The following HDAC9 variants were observed in gnomAD, a reference collection of about 807,000 sequenced individuals.
HDAC9 encodes histone deacetylase 9, also known as MEF-2 interacting transcription repressor (MITR) protein.
A neutral mutation model predicts 139.4 loss-of-function variants in HDAC9; 41 were observed. The ratio of observed to expected loss-of-function variants is 0.29; its 90% CI spans 0.23 to 0.38. The LOEUF (loss-of-function observed/expected upper bound fraction) is 0.38, where lower values mean the gene tolerates loss of function less well. Ranked by LOEUF, HDAC9 falls within the 10% of genes least tolerant of loss-of-function variation. The probability of loss-of-function intolerance (pLI) is 1.00; values close to 1 mark genes in which losing one functional copy is unlikely to be tolerated. For synonymous variants in HDAC9, 517 were observed against 476.2 expected (o/e 1.09, Z -1.12); for missense variants, 1,147 against 1,297.0 (o/e 0.88, Z 1.78).
chr7:18,768,902 C>A (rs1441391891), intron 16 of HDAC9, among the ~76,000 whole-genome samples: 1 of 152,128 alleles, frequency 6.6e-6, no homozygotes, highest in African/African-American at 2.4e-5. Flanking sequence ...ATTCAATAAA[C>A]TACATGAGAT....
rs1038999102 is a variant in HDAC9 at position 18,476,559 on chromosome 7, C to T, written c.-41-19703C>T. ...GCCTCAGATGTGACCCCAAACCCAA[C>T]ATGACGTAAGTTTCTGGACTTTCTC... is the stretch of plus-strand genomic sequence containing the variant. On this transcript the variant is annotated intron_variant, in intron 1 of 3. Transcript: ENST00000413509. Among the ~76,000 whole-genome samples, 6 of 151,896 alleles carry T rather than the reference C, an allele frequency of 4.0e-5. No homozygotes were observed. The East Asian group carries it at 1.2e-3, about 29-fold the overall frequency.
rs1293386198 is a variant in HDAC9, at chr7:18,913,542, C to T, written c.2804-22267C>T. 2.0e-5 allele frequency among the ~76,000 whole-genome samples: 3 copies of T among 152,092 alleles called. No individual in the cohort carries two copies. In the East Asian group the frequency reaches 5.8e-4, roughly 29 times the overall value. ...ATATGCGTAATTTTCTTTCTGTTTC[C>T]TTTGGACTCCATGTGCCTGACCCTG... On this transcript the variant is annotated intron_variant, in intron 22 of 25. Transcript: ENST00000686413.
chr7:18,772,391 A>C (rs149887445), intron 16 of HDAC9, among the ~76,000 whole-genome samples: 6 of 152,138 alleles, frequency 3.9e-5, no homozygotes, highest in Non-Finnish European at 8.8e-5. Flanking sequence ...TGAGGTTTTG[A>C]TATTGACTCA....
intron 2 of HDAC9, among the ~76,000 whole-genome samples, chr7:18,556,986 A>G (rs1458520013): frequency 6.6e-6 from 1 of 152,024 alleles, no homozygotes; most frequent in African/African-American, 2.4e-5. Flanking sequence ...TAATATTGCT[A>G]TTTATTGAGA....
At chr7:18,483,682 AG>A (rs979635692) in intron 1 of HDAC9, among the ~76,000 whole-genome samples, 2 of 152,216 alleles carry the variant, frequency 1.3e-5, no homozygotes, top group African/African-American at 4.8e-5. Flanking sequence ...CTGGAAATAA[AG>A]TCATTTAAAA....
chr7:18,793,345 G>A lies in HDAC9; in HGVS notation c.2215G>A (p.Val739Met). 6.4e-7 allele frequency: 1 copy of A among 1,566,404 alleles called. No individual in the cohort carries two copies. Among genetic ancestry groups the A allele is most frequent in the Non-Finnish European group, 8.7e-7 (1 of 1,154,146 alleles). ...CGGACTCTGCTGACTGTTTGCTCAG[G>A]TGGACAGTGACACCATTTGGAATGA... Reference protein sequence around the residue: ...FSSLPCGGLGVDSDTIWNELH... With the variant: ...FSSLPCGGLGMDSDTIWNELH... The change falls in exon 17 of 26, where the codon GTG becomes ATG. Residue 739 changes from valine (V) to methionine (M), a missense_variant and splice_region_variant. This residue lies in a region of HDAC9 where 407 missense variants were observed against 521.5 expected (regional missense o/e 0.78). Coordinates refer to ENST00000686413, the MANE Select transcript of HDAC9 (RefSeq NM_178425.4).
chr7:18,690,767 A>T (rs1224017761), intron 12 of HDAC9, among the ~76,000 whole-genome samples: 1 of 152,020 alleles, frequency 6.6e-6, no homozygotes, highest in Non-Finnish European at 1.5e-5. Flanking sequence ...AATTTTGCAA[A>T]CAAGACGTAC....
At chr7:18,774,693 G>T (rs1429533859) in intron 16 of HDAC9, among the ~76,000 whole-genome samples, 1 of 152,048 alleles carries the variant, frequency 6.6e-6, no homozygotes, top group Non-Finnish European at 1.5e-5. Flanking sequence ...TTGGCTCAAG[G>T]GAATGTGGTT....
At chr7:18,922,280 C>A (rs1052040933) in intron 22 of HDAC9, among the ~76,000 whole-genome samples, 1 of 151,936 alleles carries the variant, frequency 6.6e-6, no homozygotes. Context: ...TAACAAGACA[C>A]TGTGCTAAAT....
At chr7:18,145,427 T>C (rs571163515) in intron 1 of HDAC9, among the ~76,000 whole-genome samples, 2 of 152,322 alleles carry the variant, frequency 1.3e-5, no homozygotes, top group Admixed American at 1.3e-4. Flanking sequence ...TACCAGTATA[T>C]TATCCAGACA....
chr7:18,119,432 G>A (rs1045536325), intron 1 of HDAC9, among the ~76,000 whole-genome samples: 5 of 152,212 alleles, frequency 3.3e-5, no homozygotes, highest in Non-Finnish European at 7.3e-5. Flanking sequence ...CATAGAAAAT[G>A]TTTGTTATGG....
intron 22 of HDAC9, among the ~76,000 whole-genome samples, chr7:18,881,658 T>A (rs1408932151): frequency 6.6e-6 from 1 of 152,148 alleles, no homozygotes. Context: ...CATATTTACT[T>A]AAATGCTTCA....
At chr7:18,247,361 G>T (rs944892928) in intron 2 of HDAC9, among the ~76,000 whole-genome samples, 1 of 151,974 alleles carries the variant, frequency 6.6e-6, no homozygotes, top group Non-Finnish European at 1.5e-5. Flanking sequence ...ATAAAAGAAA[G>T]AATTGAAGTA....
chr7:18,603,635 A>G (rs576096274), intron 6 of HDAC9, among the ~76,000 whole-genome samples: 89 of 152,172 alleles, frequency 5.8e-4, no homozygotes, highest in Admixed American at 1.4e-3. Context: ...CTGTTTTCCA[A>G]AAGCTACAAT....
intron 12 of HDAC9, among the ~76,000 whole-genome samples, chr7:18,703,306 A>T (rs1178105): frequency 0.15 from 23,064 of 152,150 alleles, 2,111 homozygotes; most frequent in East Asian, 0.27. Flanking sequence ...AGTTGTAATT[A>T]TATCCCTGAC....
intron 1 of HDAC9, among the ~76,000 whole-genome samples, chr7:18,358,803 T>C (rs568981842): frequency 6.6e-6 from 1 of 152,360 alleles, no homozygotes; most frequent in Non-Finnish European, 1.5e-5. Context: ...TTTAGACACC[T>C]GTCCCCTCAC....
chr7:18,276,000 G>A (rs76370838), intron 2 of HDAC9, among the ~76,000 whole-genome samples: 71 of 152,036 alleles, frequency 4.7e-4, no homozygotes, highest in African/African-American at 1.4e-3. Flanking sequence ...GTAGACTCTC[G>A]GTAAACATAT....
intron 1 of HDAC9, among the ~76,000 whole-genome samples, chr7:18,318,686 C>T (rs1172641636): frequency 2.0e-5 from 3 of 152,176 alleles, no homozygotes; most frequent in African/African-American, 7.2e-5. Context: ...GAGACGAAGG[C>T]AGTAAACTAT....
chr7:18,200,456 G>C (rs1455647168), intron 2 of HDAC9, among the ~76,000 whole-genome samples: 1 of 152,096 alleles, frequency 6.6e-6, no homozygotes, highest in African/African-American at 2.4e-5. Context: ...TTGACTTGTG[G>C]GTTCTGTGTC....
Sources: gnomAD v4.1 joint callset for allele counts (sites outside exome capture counted in the v4.1 genomes callset) on GRCh38, gnomAD v4.1.1 for gene constraint, gnomAD v4.1.1 regional missense constraint, MANE v1.5 for transcripts, NCBI Gene and HGNC (gene_info 2026-07-23, HGNC 2026-07-21) for gene names.